Variants in GUCY1A2 observed in about 807,000 individuals in gnomAD.
The protein encoded by GUCY1A2 is guanylate cyclase soluble subunit alpha-2.
Under a neutral mutation model 63.5 loss-of-function variants are expected in GUCY1A2, and 27 were observed. That is an observed-to-expected ratio of 0.43 (90% CI 0.31 to 0.59). The LOEUF is 0.59. Among genes scored for constraint, GUCY1A2 ranks in the 20% least tolerant of loss-of-function variants. The pLI is 0.11. For synonymous variants in GUCY1A2, 364 were observed against 343.5 expected (o/e 1.06, Z -0.66); for missense variants, 768 against 913.3 (o/e 0.84, Z 2.05).
intron 1 of GUCY1A2, among the ~76,000 whole-genome samples, chr11:107,016,107 C>T (rs1861819840): frequency 1.3e-5 from 2 of 152,196 alleles, no homozygotes; most frequent in Admixed American, 6.5e-5. Flanking sequence ...GTCTGGTACC[C>T]GTACTCAGTC....
intron 7 of GUCY1A2, among the ~76,000 whole-genome samples, chr11:106,699,589 A>G (rs1324860686): frequency 6.6e-6 from 1 of 152,186 alleles, no homozygotes; most frequent in African/African-American, 2.4e-5. Context: ...TCCTGGAACT[A>G]GGTAATTAAC....
At chr11:106,999,006 G>A (rs1046214029) in intron 1 of GUCY1A2, among the ~76,000 whole-genome samples, 3 of 152,192 alleles carry the variant, frequency 2.0e-5, no homozygotes, top group Non-Finnish European at 2.9e-5. Flanking sequence ...TCATCACTAC[G>A]TGGCAGAGTC....
intron 5 of GUCY1A2, among the ~76,000 whole-genome samples, chr11:106,777,115 G>A (rs554143407): frequency 6.6e-6 from 1 of 152,192 alleles, no homozygotes; most frequent in East Asian, 1.9e-4. Flanking sequence ...ACCACTTTAT[G>A]TACATTGTCT....
At chr11:106,940,281 C>A in intron 3 of GUCY1A2, 103 bp from the exon 4 acceptor site, 1 of 612,036 alleles carries the variant, frequency 1.6e-6, no homozygotes, top group Non-Finnish European at 2.8e-6. Context: ...AATAAAGTAA[C>A]AAAGGTTATT....
Position 106,687,063 on chromosome 11 carries a change from C to A in GUCY1A2, c.*486G>T, listed in dbSNP as rs1862538692. 4.5e-6 allele frequency: 1 copy of A among 221,280 alleles called. No individual in the cohort carries two copies. Among genetic ancestry groups the A allele is most frequent in the Admixed American group, 5.7e-5 (1 of 17,444 alleles). 13.7% of individuals were successfully genotyped at this position (221,280 alleles called of 1,614,324 possible). A position where few individuals can be genotyped will look rare whatever the true frequency, so the allele number is the denominator to read the frequency against. The stretch of plus-strand genomic sequence containing the variant: ...AATATTTTGCCGAGTTACAATTCTT[C>A]CAGTTGGGAAGTTTACCACACTGCC... On this transcript the variant is annotated 3_prime_UTR_variant, in exon 8 of 8. Transcript: ENST00000526355.
intron 4 of GUCY1A2, among the ~76,000 whole-genome samples, chr11:106,902,250 C>CTT (rs1386861188): frequency 1.3e-5 from 2 of 152,174 alleles, no homozygotes; most frequent in Non-Finnish European, 2.9e-5. Flanking sequence ...TAAAGCTTGG[C>CTT]TTAAAATATT....
At chr11:107,014,268 T>C (rs567729313) in intron 1 of GUCY1A2, among the ~76,000 whole-genome samples, 14 of 151,972 alleles carry the variant, frequency 9.2e-5, no homozygotes, top group Non-Finnish European at 2.1e-4. Flanking sequence ...TTTGTATTTT[T>C]AGTAGAGACG....
chr11:106,914,938 A>G (rs1860349759), intron 4 of GUCY1A2, among the ~76,000 whole-genome samples: 1 of 152,182 alleles, frequency 6.6e-6, no homozygotes, highest in African/African-American at 2.4e-5. Context: ...TGCAAGCAAG[A>G]ACAGAGTGGG....
chr11:106,746,093 T>G (rs1025494563), intron 6 of GUCY1A2, among the ~76,000 whole-genome samples: 4 of 151,906 alleles, frequency 2.6e-5, no homozygotes, highest in African/African-American at 9.7e-5. Flanking sequence ...CCTGGTGAAG[T>G]AGAAGCCATG....
At chr11:106,828,128 A>T (rs914212836) in intron 4 of GUCY1A2, among the ~76,000 whole-genome samples, 16 of 151,872 alleles carry the variant, frequency 1.1e-4, no homozygotes, top group African/African-American at 3.9e-4. Context: ...CATAATTCGC[A>T]AATATTTTCT....
chr11:106,874,497 G>T (rs1214575951), intron 4 of GUCY1A2, among the ~76,000 whole-genome samples: 4 of 152,084 alleles, frequency 2.6e-5, no homozygotes, highest in Admixed American at 6.6e-5. Flanking sequence ...CTGAATTGCA[G>T]ACACTGCATA....
At chr11:106,793,457 T>TACA (rs1470456388) in intron 5 of GUCY1A2, among the ~76,000 whole-genome samples, 1 of 151,952 alleles carries the variant, frequency 6.6e-6, no homozygotes, top group African/African-American at 2.4e-5. Context: ...GTTTTTTGGA[T>TACA]ACAACAACAA....
intron 4 of GUCY1A2, among the ~76,000 whole-genome samples, chr11:106,816,704 T>C (rs913843260): frequency 1.3e-5 from 2 of 151,730 alleles, no homozygotes; most frequent in Admixed American, 1.3e-4. Flanking sequence ...CAGTAAAGTC[T>C]AGCAACACTG....
chr11:106,700,541 C>T (rs1321527635), intron 7 of GUCY1A2, among the ~76,000 whole-genome samples: 1 of 152,114 alleles, frequency 6.6e-6, no homozygotes, highest in Non-Finnish European at 1.5e-5. Context: ...ATTAATGTTG[C>T]TGTTTGTAAT....
intron 4 of GUCY1A2, among the ~76,000 whole-genome samples, chr11:106,893,208 C>A (rs750120487): frequency 6.6e-6 from 1 of 152,094 alleles, no homozygotes; most frequent in African/African-American, 2.4e-5. Flanking sequence ...AGGGAACTAG[C>A]GTCATATATA....
Position 106,709,486 on chromosome 11 carries a change from TTATA to T in GUCY1A2, c.1837-824_1837-821del, listed in dbSNP as rs375417308. Among the ~76,000 whole-genome samples, 181 of 83,336 alleles carry T rather than the reference TTATA, an allele frequency of 2.2e-3. 2 individuals carry two copies. Among genetic ancestry groups the T allele is most frequent in the South Asian group, 8.2e-3 (26 of 3,166 alleles). The allele number at this position is 83,336 out of a possible 152,430, so 54.7% of individuals were successfully genotyped here. Reference sequence around the variant, plus strand: ...TAGAATAATATATATTATTATATATTTATATATATATAATAATATATATTATTCT... The same window carrying T: ...TAGAATAATATATATTATTATATATTTATATATAATAATATATATTATTCT... On this transcript the variant is annotated intron_variant, in intron 6 of 7. Transcript: ENST00000526355.
intron 6 of GUCY1A2, among the ~76,000 whole-genome samples, chr11:106,775,050 T>A (rs1469166717): frequency 6.6e-6 from 1 of 152,166 alleles, no homozygotes; most frequent in Non-Finnish European, 1.5e-5. Context: ...CCCCGGTTCT[T>A]CCCCATAGTA....
At chr11:106,718,143 A>T (rs1471545318) in intron 6 of GUCY1A2, among the ~76,000 whole-genome samples, 1 of 152,166 alleles carries the variant, frequency 6.6e-6, no homozygotes, top group Non-Finnish European at 1.5e-5. Context: ...ATCTTACTGT[A>T]TTTACTGTCA....
chr11:106,736,455 A>G (rs185881159), intron 6 of GUCY1A2, among the ~76,000 whole-genome samples: 5 of 152,158 alleles, frequency 3.3e-5, no homozygotes, highest in Admixed American at 2.6e-4. Context: ...GTATAAATTT[A>G]TTTCTGAGCT....
Sources: gnomAD v4.1 joint callset for allele counts (sites outside exome capture counted in the v4.1 genomes callset) on GRCh38, gnomAD v4.1.1 for gene constraint, MANE v1.5 for transcripts, NCBI Gene and HGNC (gene_info 2026-07-23, HGNC 2026-07-21) for gene names.